Variants in TAOK3 observed in about 807,000 individuals in gnomAD.
The protein encoded by TAOK3 is serine/threonine-protein kinase TAO3.
A neutral mutation model predicts 120.4 loss-of-function variants in TAOK3; 40 were observed. The observed-to-expected ratio is 0.33, with a 90% CI of 0.26 to 0.43. TAOK3 has a LOEUF of 0.43. Among genes scored for constraint, TAOK3 ranks in the 20% least tolerant of loss-of-function variants. The pLI is 1.00. For synonymous variants in TAOK3, 355 were observed against 387.5 expected, an observed-to-expected ratio of 0.92 and a Z score of 0.99; for missense variants, 821 against 1,112.1, an observed-to-expected ratio of 0.74 and a Z score of 3.72.
intron 13 of TAOK3, among the ~76,000 whole-genome samples, chr12:118,190,861 A>C (rs2139091895): frequency 6.6e-6 from 1 of 152,346 alleles, no homozygotes; most frequent in Admixed American, 6.5e-5. Flanking sequence ...CTCTCTATAA[A>C]GATGAAGTAG....
At chr12:118,177,103 C>A in intron 16 of TAOK3, 98 bp downstream of exon 16, 1 of 1,305,154 alleles carries the variant, frequency 7.7e-7, no homozygotes, top group South Asian at 1.4e-5. Context: ...GTTTGAGACT[C>A]ACTGGACTAG....
intron 1 of TAOK3, among the ~76,000 whole-genome samples, chr12:118,364,366 T>G (rs1324193285): frequency 6.6e-6 from 1 of 152,104 alleles, no homozygotes; most frequent in Non-Finnish European, 1.5e-5. Context: ...CGTAAGATCC[T>G]TTGACCACTG....
At position 118,288,875 on chromosome 12, in the gene TAOK3, C is replaced by T. The variant is rs372952304; in HGVS notation, c.-193-22116G>A. 1.4e-3 allele frequency among the ~76,000 whole-genome samples: 203 copies of T among 146,274 alleles called. 1 individual carries two copies. Among genetic ancestry groups the T allele is most frequent in the African/African-American group, 4.3e-3 (170 of 39,336 alleles). On this transcript the variant is annotated intron_variant, in intron 1 of 20. Coordinates refer to ENST00000392533, the MANE Select transcript of TAOK3 (RefSeq NM_016281.4). ...AGGTTGCAGTGAGCCGAGATTACAC[C>T]GTTGCACTCTAGCCTGGACAACAGA... is the stretch of plus-strand genomic sequence containing the variant.
intron 1 of TAOK3, among the ~76,000 whole-genome samples, chr12:118,327,091 C>T (rs1018125213): frequency 2.6e-5 from 4 of 152,246 alleles, no homozygotes; most frequent in Middle Eastern, 3.4e-3. Context: ...TTAAAAGACA[C>T]ATTTGGGCTA....
chr12:118,195,650 T>C (rs1208318382), intron 13 of TAOK3, among the ~76,000 whole-genome samples: 1 of 152,322 alleles, frequency 6.6e-6, no homozygotes, highest in South Asian at 2.1e-4. Flanking sequence ...GTTCTTGTTA[T>C]TGAAAAAAGT....
intron 1 of TAOK3, among the ~76,000 whole-genome samples, chr12:118,370,122 C>T (rs1371621606): frequency 6.7e-6 from 1 of 149,838 alleles, no homozygotes; most frequent in Non-Finnish European, 1.5e-5. Context: ...ATCCGCCTGC[C>T]TCGGCCTCCC....
At chr12:118,232,840 G>A (rs2039841498) in intron 9 of TAOK3, among the ~76,000 whole-genome samples, 1 of 152,116 alleles carries the variant, frequency 6.6e-6, no homozygotes. Flanking sequence ...AGGAGGTGGA[G>A]GTTGCAATGA....
At chr12:118,364,172 T>C (rs1397105873) in intron 1 of TAOK3, among the ~76,000 whole-genome samples, 2 of 152,138 alleles carry the variant, frequency 1.3e-5, no homozygotes, top group African/African-American at 4.8e-5. Flanking sequence ...AACAGGTTTA[T>C]AAATCTGTAC....
chr12:118,189,708 T>G, intron 14 of TAOK3, 99 bp downstream of exon 14: 1 of 1,421,784 alleles, frequency 7.0e-7, no homozygotes, highest in South Asian at 1.2e-5. Flanking sequence ...ACTCCTTTCC[T>G]CCCATCCATG....
At chr12:118,157,903 C>T (rs139966693) in intron 19 of TAOK3, among the ~76,000 whole-genome samples, 223 of 152,312 alleles carry the variant, frequency 1.5e-3, no homozygotes, top group African/African-American at 4.9e-3. Context: ...TTTGCTAAAG[C>T]TCTTGTTCTC....
chr12:118,217,033 T>C (rs780172005), intron 9 of TAOK3, among the ~76,000 whole-genome samples: 3 of 152,174 alleles, frequency 2.0e-5, no homozygotes, highest in Admixed American at 6.5e-5. Context: ...ATAGTCTCAC[T>C]TTCTAATTCA....
chr12:118,279,769 T>G (rs1050965928), intron 1 of TAOK3, among the ~76,000 whole-genome samples: 15 of 130,178 alleles, frequency 1.2e-4, no homozygotes, highest in African/African-American at 4.3e-4. Context: ...TTTATTGTTG[T>G]TTTTTTTTTT....
At chr12:118,352,938 G>A (rs1228539867) in intron 1 of TAOK3, among the ~76,000 whole-genome samples, 1 of 152,186 alleles carries the variant, frequency 6.6e-6, no homozygotes, top group Non-Finnish European at 1.5e-5. Flanking sequence ...TCGAACTCCT[G>A]ACCTCAGGTG....
Position 118,255,661 on chromosome 12 carries a change from G to C in TAOK3, c.-88-6C>G. On this transcript the variant is annotated splice_region_variant and splice_polypyrimidine_tract_variant and intron_variant, in intron 2 of 20. Coordinates refer to ENST00000392533, the MANE Select transcript of TAOK3 (RefSeq NM_016281.4). ...GGGGGGTAAATCTTCAGTACCTGTA[G>C]AAAAATAAGGTTTGCCATTAAATTA... 1 of 1,287,048 alleles carries C rather than the reference G, an allele frequency of 7.8e-7. No individual in the cohort carries two copies. The highest frequency in any genetic ancestry group is 1.6e-5 in the South Asian group (1 of 62,626). 79.7% of individuals were successfully genotyped at this position (1,287,048 alleles called of 1,614,324 possible).
At chr12:118,277,842 A>G (rs2041957169) in intron 1 of TAOK3, among the ~76,000 whole-genome samples, 1 of 152,190 alleles carries the variant, frequency 6.6e-6, no homozygotes, top group Admixed American at 6.5e-5. Context: ...ACCTATTTTC[A>G]TATCTTTAAG....
At chr12:118,279,436 T>G (rs2140398511) in intron 1 of TAOK3, among the ~76,000 whole-genome samples, 1 of 152,176 alleles carries the variant, frequency 6.6e-6, no homozygotes, top group Non-Finnish European at 1.5e-5. Context: ...TTTGTCAATT[T>G]TTATTTTTTT....
intron 1 of TAOK3, among the ~76,000 whole-genome samples, chr12:118,307,107 G>C (rs79172300): frequency 0.02 from 3,105 of 152,196 alleles, 109 homozygotes; most frequent in African/African-American, 0.071. Context: ...AACTATACAG[G>C]TTATATCATT....
At chr12:118,333,616 G>C (rs2044240768) in intron 1 of TAOK3, among the ~76,000 whole-genome samples, 1 of 150,448 alleles carries the variant, frequency 6.6e-6, no homozygotes, top group African/African-American at 2.4e-5. Flanking sequence ...TAAGCAGAAA[G>C]AAAGAAAAAA....
At chr12:118,216,203 G>T (rs1169076162) in intron 9 of TAOK3, among the ~76,000 whole-genome samples, 1 of 152,050 alleles carries the variant, frequency 6.6e-6, no homozygotes. Flanking sequence ...TCTTAAACCA[G>T]GCTGGTCTTG....
Sources: allele counts gnomAD v4.1 joint callset (sites outside exome capture counted in the v4.1 genomes callset), GRCh38; gene constraint gnomAD v4.1.1; transcripts MANE v1.5; gene names NCBI Gene and HGNC (gene_info 2026-07-23, HGNC 2026-07-21).